Variants in SVEP1 observed in about 807,000 individuals in gnomAD.
SVEP1 encodes the protein sushi, von Willebrand factor type A, EGF and pentraxin domain containing 1, also known as sushi, von Willebrand factor type A, EGF and pentraxin domain-containing protein 1.
In SVEP1, 164 loss-of-function variants were observed where a neutral mutation model predicts 367.3. The ratio of observed to expected loss-of-function variants is 0.45; its 90% CI spans 0.39 to 0.51. The LOEUF (loss-of-function observed/expected upper bound fraction) is 0.51. Among genes scored for constraint, SVEP1 ranks in the 20% least tolerant of loss-of-function variants. The pLI is 0.00. For synonymous variants in SVEP1, 1,666 were observed against 1,611.6 expected, an observed-to-expected ratio of 1.03 and a Z score of -0.81; for missense variants, 4,117 against 4,425.3, an observed-to-expected ratio of 0.93 and a Z score of 1.98.
intron 9 of SVEP1, among the ~76,000 whole-genome samples, chr9:110,489,208 A>C (rs1829330025): frequency 6.6e-6 from 1 of 152,220 alleles, no homozygotes. Flanking sequence ...GTTGTTGATC[A>C]TAAAGGAGAA....
chr9:110,505,558 G>A (rs995404215), intron 5 of SVEP1, among the ~76,000 whole-genome samples: 4 of 152,186 alleles, frequency 2.6e-5, no homozygotes, highest in African/African-American at 9.7e-5. Flanking sequence ...GACTGGAGGT[G>A]AGGAGGTGTC....
chr9:110,402,501 A>C (rs1827879604), intron 39 of SVEP1, among the ~76,000 whole-genome samples: 1 of 152,198 alleles, frequency 6.6e-6, no homozygotes, highest in Admixed American at 6.5e-5. Flanking sequence ...CAGACCAAAA[A>C]TTTAAACCAA....
chr9:110,373,419 T>C (rs1827306011), intron 46 of SVEP1, among the ~76,000 whole-genome samples: 1 of 152,266 alleles, frequency 6.6e-6, no homozygotes, highest in African/African-American at 2.4e-5. Context: ...TAGTGCCTCT[T>C]TTACTCTCAA....
Position 110,408,897 on chromosome 9 carries a change from A to G in SVEP1, c.6703T>C (p.Tyr2235His). 2 of 1,612,012 alleles carry G rather than the reference A, an allele frequency of 1.2e-6. No individual in the cohort carries two copies. The highest frequency in any genetic ancestry group is 8.5e-7 in the Non-Finnish European group (1 of 1,178,996). The change falls in exon 38 of 48, where the codon TAT becomes CAT. Residue 2235 changes from tyrosine (Y) to histidine (H), a missense_variant. Tyr to His is a moderately conservative substitution (Grantham distance 83, BLOSUM62 2). Around this residue, in one of 4 missense-constraint regions of SVEP1, gnomAD observed 1,765 missense variants for 1,781.1 expected, o/e 0.99. Coordinates refer to ENST00000374469, the MANE Select transcript of SVEP1 (RefSeq NM_153366.4). ...AATACAGGACTTCCGACTGACTTAT[A>G]GCCCGGGTTACACTGATACCTCACT... The part of the protein sequence containing the change: ...SEVRYQCNPG[Y>H]KSVGSPVFVC...
intron 3 of SVEP1, among the ~76,000 whole-genome samples, chr9:110,520,327 T>C (rs1357299619): frequency 6.6e-6 from 1 of 152,202 alleles, no homozygotes; most frequent in East Asian, 1.9e-4. Context: ...GAAATAAATC[T>C]TTGGTTTGAA....
intron 41 of SVEP1, 98 bp from the exon 42 acceptor site, chr9:110,387,556 A>ATATTATGGCCTAC (rs1239029071): frequency 7.7e-7 from 1 of 1,296,522 alleles, no homozygotes; most frequent in Non-Finnish European, 1.0e-6. Context: ...AATATATAAA[A>ATATTATGGCCTAC]TATTATGGCC....
intron 3 of SVEP1, among the ~76,000 whole-genome samples, chr9:110,516,144 CTAAA>C: frequency 3.0e-5 from 2 of 67,372 alleles, no homozygotes; most frequent in Admixed American, 1.6e-4. Flanking sequence ...TATACTAAAA[CTAAA>C]ATATAATATA....
intron 9 of SVEP1, 22 bp downstream of exon 9, chr9:110,489,628 A>G (rs745376286): frequency 6.2e-7 from 1 of 1,600,176 alleles, no homozygotes; most frequent in African/African-American, 1.3e-5. Flanking sequence ...GGATGGGGAA[A>G]CAACCAAACT....
chr9:110,521,059 A>G (rs1236985877), intron 3 of SVEP1, among the ~76,000 whole-genome samples: 1 of 152,198 alleles, frequency 6.6e-6, no homozygotes, highest in African/African-American at 2.4e-5. Flanking sequence ...CTGTTCCTAC[A>G]AAGAGTTGTG....
chr9:110,546,413 A>C, intron 2 of SVEP1, 122 bp from the exon 3 acceptor site: 1 of 1,116,582 alleles, frequency 9.0e-7, no homozygotes, highest in Non-Finnish European at 1.3e-6. Flanking sequence ...CTAATTCCCA[A>C]CTGCTTCCTG....
chr9:110,387,211 C>T, intron 42 of SVEP1, 74 bp downstream of exon 42: 3 of 1,451,748 alleles, frequency 2.1e-6, no homozygotes, highest in Non-Finnish European at 1.8e-6. Context: ...GGAGCTTCCT[C>T]TATGTTTTGG....
intron 46 of SVEP1, among the ~76,000 whole-genome samples, chr9:110,371,463 G>A (rs1827275198): frequency 6.6e-6 from 1 of 152,038 alleles, no homozygotes; most frequent in Non-Finnish European, 1.5e-5. Flanking sequence ...ATTTTTCAAT[G>A]ATGACTTATA....
intron 1 of SVEP1, among the ~76,000 whole-genome samples, chr9:110,576,840 TAA>T (rs1232527363): frequency 1.3e-5 from 2 of 152,114 alleles, no homozygotes; most frequent in African/African-American, 4.8e-5. Flanking sequence ...TAAATGCTAT[TAA>T]GCAAATTATA....
chr9:110,437,222 G>GT lies in SVEP1; in HGVS notation c.4640-719dup, dbSNP rs546209223. ...GGATGAGAGAGAACTTGAAACTCCTGTATCCCTTCCTGCCAGGCAACCAAC... is the reference window on the plus strand; with the variant it reads ...GGATGAGAGAGAACTTGAAACTCCTGTTATCCCTTCCTGCCAGGCAACCAAC... On this transcript the variant is annotated intron_variant, in intron 27 of 47. Transcript: ENST00000374469. Among the ~76,000 whole-genome samples, 306 of 152,256 alleles carry GT rather than the reference G, an allele frequency of 2.0e-3. 1 individual carries two copies. The highest frequency in any genetic ancestry group is 7.0e-3 in the African/African-American group (292 of 41,544).
At chr9:110,482,270 C>A in intron 11 of SVEP1, 91 bp downstream of exon 11, 1 of 1,353,292 alleles carries the variant, frequency 7.4e-7, no homozygotes. Flanking sequence ...ATCTAATGCT[C>A]ATAGCCTATT....
At chr9:110,528,187 T>TATATATATATATGC (rs1263820117) in intron 3 of SVEP1, among the ~76,000 whole-genome samples, 1 of 139,512 alleles carries the variant, frequency 7.2e-6, no homozygotes, top group Non-Finnish European at 1.6e-5. Flanking sequence ...TATATATATA[T>TATATATATATATGC]GCCACATTTT....
Position 110,450,190 on chromosome 9 carries a change from G to A in SVEP1, c.3972C>T (p.Asp1324=). The A allele has an allele frequency of 6.2e-7, 1 of 1,613,862 alleles. No individual in the cohort carries two copies. The highest frequency in any genetic ancestry group is 8.5e-7 in the Non-Finnish European group (1 of 1,179,812). The change falls in exon 24 of 48, where the codon GAC becomes GAT. Residue 1324 remains aspartate (D), a synonymous_variant. Transcript: ENST00000374469. ...NPCLNNAVCE[D]QVGGFLCKCP... is the part of the protein sequence containing the mutation. ...ATTTGCACAAGAATCCCCCAACCTG[G>A]TCTTCACAGACTGCATTATTTAAGC...
chr9:110,482,401 T>C lies in SVEP1; in HGVS notation c.2130A>G (p.Ser710=). Residue 710 remains serine, a synonymous_variant, in exon 11 of 48, where the codon TCA becomes TCG. Coordinates refer to ENST00000374469, the MANE Select transcript of SVEP1 (RefSeq NM_153366.4). ...GGATATCACATGTCCTGTTATTGCC[T>C]GAGGGGTCAGTGGCTGTATACTGTA... ...TIVQYTATDP[S]GNNRTCDIHI... 6.2e-7 allele frequency: 1 copy of C among 1,612,434 alleles called. No homozygotes were observed. The highest frequency in any genetic ancestry group is 8.5e-7 in the Non-Finnish European group (1 of 1,179,326).
intron 19 of SVEP1, 30 bp downstream of exon 19, chr9:110,458,922 G>A (rs1349354713): frequency 6.2e-7 from 1 of 1,601,462 alleles, no homozygotes; most frequent in South Asian, 1.1e-5. Context: ...GTCCAACATA[G>A]GATTACATAA....
Sources: allele counts gnomAD v4.1 joint callset (sites outside exome capture counted in the v4.1 genomes callset), GRCh38; gene constraint gnomAD v4.1.1; regional missense constraint gnomAD v4.1.1; transcripts MANE v1.5; gene names NCBI Gene and HGNC (gene_info 2026-07-23, HGNC 2026-07-21).